The following ARL15 variants were observed in gnomAD, a reference collection of about 807,000 sequenced individuals.
The protein encoded by ARL15 is ADP-ribosylation factor-like protein 15.
In ARL15, 19 loss-of-function variants were observed where a neutral mutation model predicts 25.2. The observed-to-expected ratio is 0.75, with a 90% CI of 0.53 to 1.10. The LOEUF (loss-of-function observed/expected upper bound fraction) is 1.10. Among genes scored for constraint, ARL15 ranks in the 50% least tolerant of loss-of-function variants. The pLI is 0.00. For missense variants in ARL15, 220 were observed against 246.0 expected, an observed-to-expected ratio of 0.89 and a Z score of 0.71; for synonymous variants, 94 against 86.8, an observed-to-expected ratio of 1.08 and a Z score of -0.46.
intron 1 of ARL15, among the ~76,000 whole-genome samples, chr5:54,279,214 GT>G (rs55839349): frequency 0.98 from 143,841 of 147,362 alleles, 70,287 homozygotes; most frequent in Non-Finnish European, 1. Flanking sequence ...GTTTGTTTTT[GT>G]TTTTTTTTTT....
intron 1 of ARL15, among the ~76,000 whole-genome samples, chr5:54,269,991 T>A (rs751797848): frequency 6.6e-6 from 1 of 152,200 alleles, no homozygotes; most frequent in Non-Finnish European, 1.5e-5. Context: ...TCAGCATCAG[T>A]TCTATTCCTA....
At position 54,203,551 on chromosome 5, in the gene ARL15, A is replaced by T. The variant is rs565345474; in HGVS notation, c.49-31623T>A. ...TTTCTTTCCTTATATAAAGTCTTTG[A>T]AAGTATGAGAAAATATCCAATGACT... On this transcript the variant is annotated intron_variant, in intron 1 of 4. Coordinates refer to ENST00000504924, the MANE Select transcript of ARL15 (RefSeq NM_019087.3). Among the ~76,000 whole-genome samples the T allele has an allele frequency of 2.0e-5, 3 of 152,326 alleles. No homozygotes were observed. In the East Asian group the frequency reaches 5.8e-4, roughly 29 times the overall value.
intron 1 of ARL15, among the ~76,000 whole-genome samples, chr5:54,280,241 A>G (rs562782800): frequency 5.3e-5 from 8 of 152,250 alleles, no homozygotes; most frequent in African/African-American, 1.9e-4. Flanking sequence ...CACTTCATAG[A>G]CATTCCCCAA....
intron 3 of ARL15, among the ~76,000 whole-genome samples, chr5:54,115,538 T>C (rs1752874918): frequency 6.6e-6 from 1 of 152,062 alleles, no homozygotes; most frequent in Non-Finnish European, 1.5e-5. Flanking sequence ...CTAAGTGTTT[T>C]AAAAAGAAAA....
At chr5:54,266,979 T>A (rs1757640699) in intron 1 of ARL15, among the ~76,000 whole-genome samples, 1 of 152,230 alleles carries the variant, frequency 6.6e-6, no homozygotes, top group Admixed American at 6.5e-5. Flanking sequence ...TGTATCTGTG[T>A]TCAAAGATTT....
chr5:54,256,413 T>TA (rs35505658), intron 1 of ARL15, among the ~76,000 whole-genome samples: 40,399 of 99,098 alleles, frequency 0.41, 9,803 homozygotes, highest in Non-Finnish European at 0.56. Flanking sequence ...CGAATCAGTT[T>TA]AAAAAAAAAA....
intron 4 of ARL15, among the ~76,000 whole-genome samples, chr5:54,070,972 C>T (rs1751400657): frequency 6.6e-6 from 1 of 151,820 alleles, no homozygotes. Flanking sequence ...AATTCGAGAC[C>T]AGCCTGGGCA....
intron 4 of ARL15, among the ~76,000 whole-genome samples, chr5:54,050,188 C>G (rs1479255413): frequency 6.6e-6 from 1 of 152,184 alleles, no homozygotes; most frequent in Non-Finnish European, 1.5e-5. Flanking sequence ...AAGGCTGTGT[C>G]TAGCACTGAA....
intron 4 of ARL15, among the ~76,000 whole-genome samples, chr5:53,889,283 T>C (rs937632676): frequency 2.0e-5 from 3 of 152,302 alleles, no homozygotes; most frequent in Admixed American, 2.0e-4. Flanking sequence ...AGTATATCAG[T>C]AATATGTGAT....
chr5:53,965,523 A>G (rs937333212), intron 4 of ARL15, among the ~76,000 whole-genome samples: 1 of 152,138 alleles, frequency 6.6e-6, no homozygotes, highest in Admixed American at 6.5e-5. Context: ...GTTGAAATGC[A>G]GTGAAAGCCT....
At chr5:54,118,261 A>G (rs1752966022) in intron 3 of ARL15, among the ~76,000 whole-genome samples, 1 of 152,160 alleles carries the variant, frequency 6.6e-6, no homozygotes, top group South Asian at 2.1e-4. Flanking sequence ...TTTTTGAGTT[A>G]TCTATGTGAG....
intron 4 of ARL15, among the ~76,000 whole-genome samples, chr5:53,941,669 A>G (rs1180897729): frequency 6.6e-6 from 1 of 152,188 alleles, no homozygotes; most frequent in Admixed American, 6.5e-5. Context: ...TTGCCAGTCC[A>G]CTTCACATCT....
intron 2 of ARL15, 23 bp downstream of exon 2, chr5:54,171,761 C>G (rs779396931): frequency 6.3e-7 from 1 of 1,591,332 alleles, no homozygotes; most frequent in Non-Finnish European, 8.6e-7. Flanking sequence ...GAAGAAGGGA[C>G]AGAACCCCAG....
At chr5:54,119,098 C>T (rs758891366) in intron 3 of ARL15, among the ~76,000 whole-genome samples, 14 of 152,124 alleles carry the variant, frequency 9.2e-5, no homozygotes, top group Non-Finnish European at 2.1e-4. Context: ...CATCACCTTC[C>T]AGCTGGATCA....
intron 1 of ARL15, among the ~76,000 whole-genome samples, chr5:54,301,057 T>G (rs1409715479): frequency 3.3e-5 from 5 of 152,244 alleles, no homozygotes; most frequent in African/African-American, 1.2e-4. Flanking sequence ...TCAGCTTTAA[T>G]GTTGCAGATG....
intron 1 of ARL15, among the ~76,000 whole-genome samples, chr5:54,254,367 C>T (rs1192232035): frequency 6.6e-6 from 1 of 152,186 alleles, no homozygotes; most frequent in Non-Finnish European, 1.5e-5. Context: ...TATACATTAG[C>T]TATTCGAAGC....
chr5:54,024,795 T>C (rs1477016698), intron 4 of ARL15, among the ~76,000 whole-genome samples: 1 of 152,086 alleles, frequency 6.6e-6, no homozygotes, highest in Non-Finnish European at 1.5e-5. Context: ...TACAAATACA[T>C]ATGTATATCT....
chr5:54,002,127 T>C (rs912465860), intron 4 of ARL15, among the ~76,000 whole-genome samples: 1 of 150,742 alleles, frequency 6.6e-6, no homozygotes, highest in Admixed American at 6.7e-5. Flanking sequence ...TCAACAGTTT[T>C]CTTTTTCCCA....
In ARL15 at chr5:53,899,799, T is replaced by C. The variant is rs75486173; in HGVS notation, c.463-13086A>G. Among the ~76,000 whole-genome samples, 602 of 152,332 alleles carry C rather than the reference T, an allele frequency of 4.0e-3. 6 individuals are homozygous for C. Among genetic ancestry groups the C allele is most frequent in the African/African-American group, 0.014 (564 of 41,572 alleles). On this transcript the variant is annotated intron_variant, in intron 4 of 4. Coordinates refer to ENST00000504924, the MANE Select transcript of ARL15 (RefSeq NM_019087.3). ...TGTATTCACAAGAGTTAATGACATA[T>C]TCCAAGTTACGACAAGAAAAAATGT...
Sources: gnomAD v4.1 joint callset for allele counts (sites outside exome capture counted in the v4.1 genomes callset) on GRCh38, gnomAD v4.1.1 for gene constraint, MANE v1.5 for transcripts, NCBI Gene and HGNC (gene_info 2026-07-23, HGNC 2026-07-21) for gene names.